The following ANTXRL variants were observed in gnomAD, a reference collection of about 807,000 sequenced individuals.
The protein encoded by ANTXRL is anthrax toxin receptor-like.
A neutral mutation model predicts 75.4 loss-of-function variants in ANTXRL; 63 were observed. That is an observed-to-expected ratio of 0.84 (90% CI 0.68 to 1.03). The LOEUF is 1.03. Ranked by LOEUF, ANTXRL falls within the 50% of genes least tolerant of loss-of-function variation. The pLI is 0.00. For synonymous variants in ANTXRL, 335 were observed against 291.3 expected (o/e 1.15, Z -1.53); for missense variants, 797 against 789.4 (o/e 1.01, Z -0.12).
chr10:46,302,866 A>G (rs1837838798), intron 10 of ANTXRL, 46 bp downstream of exon 10: 2 of 1,387,062 alleles, frequency 1.4e-6, no homozygotes, highest in African/African-American at 1.4e-5. Context: ...TTCCCACACA[A>G]TGCTGCCTTT....
chr10:46,321,770 G>A (rs1554965638), intron 16 of ANTXRL, among the ~76,000 whole-genome samples: 1 of 152,034 alleles, frequency 6.6e-6, no homozygotes, highest in Non-Finnish European at 1.5e-5. Flanking sequence ...TGTTACTAGG[G>A]GCATATGCTT....
chr10:46,292,920 G>C (rs1431556242), intron 2 of ANTXRL: 1 of 152,880 alleles, frequency 6.5e-6, no homozygotes, highest in African/African-American at 2.4e-5. Flanking sequence ...GGAGGGTCAG[G>C]GAGAGGAAGG....
intron 9 of ANTXRL, among the ~76,000 whole-genome samples, chr10:46,301,827 G>A (rs1390227541): frequency 3.3e-5 from 5 of 152,208 alleles, no homozygotes; most frequent in Non-Finnish European, 4.4e-5. Context: ...TGCATGGACC[G>A]GGGGCGCCCC....
At position 46,302,157 on chromosome 10, in the gene ANTXRL, G is replaced by T. The variant is rs1459038975; in HGVS notation, c.797-565G>T. Among the ~76,000 whole-genome samples the T allele has an allele frequency of 1.3e-5, 2 of 152,284 alleles. 1 individual carries two copies. Among genetic ancestry groups the T allele is most frequent in the South Asian group, 4.1e-4 (2 of 4,824 alleles). On this transcript the variant is annotated intron_variant, in intron 9 of 16. Transcript: ENST00000620264. ...ATTCCCTTGAGCAGGGTCCTAGGTGGCTCGCCTGCCCCACCTGAGTCCTGG... is the reference window on the plus strand; with the variant it reads ...ATTCCCTTGAGCAGGGTCCTAGGTGTCTCGCCTGCCCCACCTGAGTCCTGG...
At chr10:46,301,020 A>G (rs1189203770) in intron 9 of ANTXRL, among the ~76,000 whole-genome samples, 1 of 122,674 alleles carries the variant, frequency 8.2e-6, no homozygotes, top group Non-Finnish European at 1.7e-5. Context: ...CCACCTTGAA[A>G]AAAAAAAAAT....
At chr10:46,308,429 T>TCTCCACTCCCCTCCC (rs1838228543) in intron 12 of ANTXRL, 2 of 89,970 alleles carry the variant, frequency 2.2e-5, no homozygotes, top group African/African-American at 1.5e-4. Flanking sequence ...CCTCCCCTCC[T>TCTCCACTCCCCTCCC]CTCCACTCCC....
At chr10:46,310,303 G>T (rs1258085238) in intron 13 of ANTXRL, among the ~76,000 whole-genome samples, 158 bp from the exon 14 acceptor site, 1 of 152,098 alleles carries the variant, frequency 6.6e-6, no homozygotes. Context: ...GGAGGAGCCT[G>T]CCGGGTACAA....
At chr10:46,292,669 CCAA>C (rs1837045017) in intron 2 of ANTXRL, 1 of 161,144 alleles carries the variant, frequency 6.2e-6, no homozygotes, top group Non-Finnish European at 1.4e-5. Context: ...CAGCTTGAGG[CCAA>C]AGCCACAGGG....
Position 46,309,159 on chromosome 10 carries a change from T to C in ANTXRL, c.1091T>C (p.Val364Ala), listed in dbSNP as rs377705391. ...WLYFVPLLLLVPLLLCCVWRL... is the reference protein window; with the variant it reads ...WLYFVPLLLLAPLLLCCVWRL... ...TATTTTGTGCCACTCCTGCTGCTTG[T>C]GCCACTGCTGCTGTGTTGTGTCTGG... The change falls in exon 13 of 17, where the codon GTG becomes GCG. Residue 364 changes from valine (V) to alanine (A), a missense_variant. By Grantham distance (64) the Val-to-Ala change is moderately conservative (BLOSUM62 0). Transcript: ENST00000620264. 267 of 1,535,688 alleles carry C rather than the reference T, an allele frequency of 1.7e-4. 1 individual carries two copies. Among genetic ancestry groups the C allele is most frequent in the Middle Eastern group, 5.0e-4 (3 of 6,004 alleles).
rs1260870459 is a variant in ANTXRL at position 46,308,664 on chromosome 10, C to T, written c.1045-449C>T. The T allele has an allele frequency of 1.4e-5, 5 of 349,134 alleles. No homozygotes were observed. In the Admixed American group the frequency reaches 1.6e-4, roughly 11 times the overall value. The allele number at this position is 349,134 out of a possible 1,614,324, so 21.6% of individuals were successfully genotyped here. On this transcript the variant is annotated intron_variant, in intron 12 of 16. Transcript: ENST00000620264. ...GGGAGGGCGGCTCATTCCCTTTGCACAGGTGTGGAGGCTGAGGCTCAGAGC... is the reference window on the plus strand; with the variant it reads ...GGGAGGGCGGCTCATTCCCTTTGCATAGGTGTGGAGGCTGAGGCTCAGAGC...
At chr10:46,307,554 A>G (rs1838166393) in intron 12 of ANTXRL, 74 bp downstream of exon 12, 2 of 1,366,292 alleles carry the variant, frequency 1.5e-6, no homozygotes, top group Admixed American at 2.0e-5. Flanking sequence ...AGCACAGAAA[A>G]GGCAGACCGT....
intron 2 of ANTXRL, among the ~76,000 whole-genome samples, chr10:46,293,313 T>C (rs1278489653): frequency 1.4e-5 from 2 of 142,080 alleles, no homozygotes; most frequent in African/African-American, 2.6e-5. Context: ...TGTGTGTGCG[T>C]GTGTGCCTGT....
chr10:46,293,507 C>CTGTGTG (rs781800090), intron 2 of ANTXRL, among the ~76,000 whole-genome samples: 19 of 87,716 alleles, frequency 2.2e-4, no homozygotes, highest in Admixed American at 1.1e-3. Context: ...GTGTGTGCAC[C>CTGTGTG]TGTGTGTGTG....
chr10:46,293,763 G>C, intron 2 of ANTXRL, 66 bp from the exon 3 acceptor site: 3 of 1,331,190 alleles, frequency 2.3e-6, no homozygotes, highest in South Asian at 2.5e-5. Context: ...GTGGGGAATT[G>C]GCCTCACCAC....
rs1177024170 is a variant in ANTXRL at position 46,304,318 on chromosome 10, C to T, written c.895+1498C>T. 3.3e-5 allele frequency among the ~76,000 whole-genome samples: 5 copies of T among 152,194 alleles called. No individual in the cohort carries two copies. The South Asian group carries it at 6.2e-4, about 19-fold the overall frequency. On this transcript the variant is annotated intron_variant, in intron 10 of 16. Coordinates refer to ENST00000620264, the MANE Select transcript of ANTXRL (RefSeq NM_001278688.3). The stretch of plus-strand genomic sequence containing the variant: ...ACAGTATTTATTCAGGAACGGTGCC[C>T]GGCACTGGGAATGTGTGTGCCATAG...
intron 16 of ANTXRL, among the ~76,000 whole-genome samples, chr10:46,316,487 C>T (rs1299864961): frequency 6.6e-6 from 1 of 152,142 alleles, no homozygotes; most frequent in Non-Finnish European, 1.5e-5. Flanking sequence ...TGCATGGCCA[C>T]CTCTCTGTCC....
intron 16 of ANTXRL, among the ~76,000 whole-genome samples, chr10:46,315,296 C>G (rs1485707413): frequency 5.9e-5 from 9 of 152,214 alleles, no homozygotes; most frequent in East Asian, 1.9e-4. Flanking sequence ...GAGTGAGAAG[C>G]AGCCCTGAGG....
intron 16 of ANTXRL, among the ~76,000 whole-genome samples, chr10:46,327,925 C>A (rs1301134409): frequency 6.6e-6 from 1 of 152,164 alleles, no homozygotes. Context: ...ATGTGGGCAT[C>A]ATCAGCGCCA....
intron 3 of ANTXRL, 119 bp downstream of exon 3, chr10:46,294,019 G>C: frequency 1.1e-6 from 1 of 924,014 alleles, no homozygotes; most frequent in Non-Finnish European, 1.6e-6. Flanking sequence ...AGGGCAGGCC[G>C]GTCAGGGCAA....
Sources: gnomAD v4.1 joint callset for allele counts (sites outside exome capture counted in the v4.1 genomes callset) on GRCh38, gnomAD v4.1.1 for gene constraint, MANE v1.5 for transcripts, NCBI Gene and HGNC (gene_info 2026-07-23, HGNC 2026-07-21) for gene names.